Variants in CCDC178 observed in about 807,000 individuals in gnomAD.
CCDC178 encodes the protein coiled-coil domain-containing protein 178.
Under a neutral mutation model 117.4 loss-of-function variants are expected in CCDC178, and 126 were observed. The observed-to-expected ratio is 1.07, with a 90% CI of 0.93 to 1.24. The LOEUF is 1.24. CCDC178 is among the 50% of genes most tolerant of loss of function. The pLI is 0.00. For synonymous variants in CCDC178, 283 were observed against 313.4 expected (o/e 0.90, Z 1.02); for missense variants, 1,030 against 986.9 (o/e 1.04, Z -0.59).
At chr18:33,049,778 A>G (rs1199250487) in intron 21 of CCDC178, among the ~76,000 whole-genome samples, 1 of 152,186 alleles carries the variant, frequency 6.6e-6, no homozygotes, top group Non-Finnish European at 1.5e-5. Flanking sequence ...TCCTAACAAT[A>G]CTTTAAAATA....
intron 20 of CCDC178, among the ~76,000 whole-genome samples, chr18:33,204,216 T>G (rs1249065535): frequency 6.6e-6 from 1 of 152,094 alleles, no homozygotes; most frequent in Non-Finnish European, 1.5e-5. Context: ...TAAAAAACCC[T>G]GAGTTCAAGA....
At chr18:32,970,615 A>T (rs571070067) in intron 22 of CCDC178, among the ~76,000 whole-genome samples, 1 of 152,020 alleles carries the variant, frequency 6.6e-6, no homozygotes, top group Non-Finnish European at 1.5e-5. Context: ...CTGCAGATTC[A>T]CTCCACAAAT....
chr18:33,296,834 C>A (rs575537350), intron 11 of CCDC178, among the ~76,000 whole-genome samples: 1 of 152,046 alleles, frequency 6.6e-6, no homozygotes, highest in Non-Finnish European at 1.5e-5. Context: ...TGAGACAAGC[C>A]TGGCTCATGG....
chr18:33,280,333 C>G (rs919682535), intron 12 of CCDC178, among the ~76,000 whole-genome samples: 1 of 151,978 alleles, frequency 6.6e-6, no homozygotes, highest in Non-Finnish European at 1.5e-5. Flanking sequence ...ATTTATGCAG[C>G]CAAAACACAC....
chr18:33,434,863 A>G (rs572727068), intron 2 of CCDC178, among the ~76,000 whole-genome samples: 1 of 152,230 alleles, frequency 6.6e-6, no homozygotes, highest in East Asian at 1.9e-4. Flanking sequence ...GAGGGAAAAA[A>G]TATTTAAAAT....
intron 21 of CCDC178, among the ~76,000 whole-genome samples, chr18:33,046,666 A>G (rs1036048890): frequency 2.6e-5 from 4 of 152,176 alleles, no homozygotes; most frequent in Non-Finnish European, 2.9e-5. Context: ...GAAGCCATTC[A>G]TGTTTGCTAC....
intron 19 of CCDC178, 43 bp downstream of exon 19, chr18:33,215,506 TA>T (rs1287460065): frequency 2.9e-6 from 3 of 1,029,286 alleles, no homozygotes; most frequent in Non-Finnish European, 4.0e-6. Context: ...TATTTATTAA[TA>T]TTTTTTAAAA....
Position 33,410,925 on chromosome 18 carries a change from A to C in CCDC178, c.58+1106T>G, listed in dbSNP as rs76500481. The stretch of plus-strand genomic sequence containing the variant: ...TCAAGCCCCTTAATAGTATGCTGGA[A>C]TATGAGAGACAAGCAAGTGCAGAGC... On this transcript the variant is annotated intron_variant, in intron 3 of 22. Coordinates refer to ENST00000383096, the MANE Select transcript of CCDC178 (RefSeq NM_001105528.4). Among the ~76,000 whole-genome samples the C allele has an allele frequency of 8.1e-3, 1,237 of 152,250 alleles. 14 individuals carry two copies. Among genetic ancestry groups the C allele is most frequent in the African/African-American group, 0.029 (1,184 of 41,534 alleles).
chr18:33,058,748 T>A (rs1451826898), intron 21 of CCDC178, among the ~76,000 whole-genome samples: 1 of 152,184 alleles, frequency 6.6e-6, no homozygotes, highest in Admixed American at 6.5e-5. Flanking sequence ...CAGGTTTTTT[T>A]AAGGTTTAAC....
At chr18:33,316,942 G>C (rs918342331) in intron 11 of CCDC178, among the ~76,000 whole-genome samples, 1 of 152,030 alleles carries the variant, frequency 6.6e-6, no homozygotes, top group African/African-American at 2.4e-5. Flanking sequence ...TCTAGCTCAG[G>C]GATTGTAAAC....
chr18:33,395,173 A>G (rs1200561172), intron 4 of CCDC178, among the ~76,000 whole-genome samples: 3 of 151,234 alleles, frequency 2.0e-5, no homozygotes, highest in Non-Finnish European at 4.4e-5. Context: ...AAGACAACCT[A>G]GTCTCACGTT....
At chr18:33,023,345 A>T (rs549241064) in intron 21 of CCDC178, among the ~76,000 whole-genome samples, 5 of 152,304 alleles carry the variant, frequency 3.3e-5, no homozygotes, top group South Asian at 2.1e-4. Flanking sequence ...TAAAACAAAT[A>T]TTAACAAATA....
chr18:33,160,458 T>G (rs1568025533), intron 20 of CCDC178, among the ~76,000 whole-genome samples: 3 of 152,132 alleles, frequency 2.0e-5, no homozygotes, highest in Admixed American at 2.0e-4. Context: ...AATTTTATAT[T>G]CAAGTATTCA....
chr18:33,159,296 A>T (rs2058436899), intron 20 of CCDC178, among the ~76,000 whole-genome samples: 1 of 152,148 alleles, frequency 6.6e-6, no homozygotes, highest in Non-Finnish European at 1.5e-5. Flanking sequence ...TAAAATCTTT[A>T]TGAAAGTGGC....
chr18:33,149,929 C>A (rs1223527476), intron 20 of CCDC178, among the ~76,000 whole-genome samples: 2 of 152,028 alleles, frequency 1.3e-5, no homozygotes, highest in South Asian at 4.1e-4. Flanking sequence ...GCCTACATAG[C>A]CAAAGCAAAA....
chr18:33,200,592 G>A (rs2058980241), intron 20 of CCDC178, among the ~76,000 whole-genome samples: 1 of 152,116 alleles, frequency 6.6e-6, no homozygotes, highest in Admixed American at 6.5e-5. Flanking sequence ...CTAAATGCAT[G>A]CTGATTTTCG....
intron 8 of CCDC178, 77 bp from the exon 9 acceptor site, chr18:33,346,488 G>T: frequency 1.5e-6 from 1 of 680,656 alleles, no homozygotes; most frequent in Non-Finnish European, 2.3e-6. Context: ...GGCCTTAGTT[G>T]TATTATTATA....
At chr18:33,234,631 A>C (rs1454755267) in intron 15 of CCDC178, among the ~76,000 whole-genome samples, 1 of 152,132 alleles carries the variant, frequency 6.6e-6, no homozygotes, top group African/African-American at 2.4e-5. Flanking sequence ...TGGAAATCTA[A>C]GGTCAATTAC....
chr18:33,365,392 G>A (rs186563849), intron 6 of CCDC178, among the ~76,000 whole-genome samples: 66 of 152,166 alleles, frequency 4.3e-4, no homozygotes, highest in Middle Eastern at 3.4e-3. Flanking sequence ...GTGCTGAACC[G>A]GATGTGCTTA....
Sources: gnomAD v4.1 joint callset for allele counts (sites outside exome capture counted in the v4.1 genomes callset) on GRCh38, gnomAD v4.1.1 for gene constraint, MANE v1.5 for transcripts, NCBI Gene and HGNC (gene_info 2026-07-23, HGNC 2026-07-21) for gene names.